The following PCNX1 variants were observed in gnomAD, a reference collection of about 807,000 sequenced individuals.
PCNX1 encodes the protein pecanex-like protein 1.
Under a neutral mutation model 242.2 loss-of-function variants are expected in PCNX1, and 78 were observed. The observed-to-expected ratio is 0.32, with a 90% CI of 0.27 to 0.39. The LOEUF is 0.39. Among genes scored for constraint, PCNX1 ranks in the 10% least tolerant of loss-of-function variants. PCNX1 has a pLI of 1.00. For synonymous variants in PCNX1, 1,024 were observed against 1,032.9 expected, an observed-to-expected ratio of 0.99 and a Z score of 0.17; for missense variants, 2,581 against 2,856.5, an observed-to-expected ratio of 0.90 and a Z score of 2.20.
intron 33 of PCNX1, among the ~76,000 whole-genome samples, chr14:71,107,453 C>T (rs2062656345): frequency 1.3e-5 from 2 of 151,902 alleles, no homozygotes; most frequent in Non-Finnish European, 2.9e-5. Flanking sequence ...AGGTGAAAAC[C>T]TAAAACTTTC....
intron 8 of PCNX1, among the ~76,000 whole-genome samples, chr14:71,002,565 A>G (rs2059535459): frequency 6.6e-6 from 1 of 152,154 alleles, no homozygotes; most frequent in Admixed American, 6.5e-5. Context: ...TCTGCTTTCT[A>G]TCATTATGAT....
At chr14:71,014,626 T>C (rs1187680472) in intron 11 of PCNX1, among the ~76,000 whole-genome samples, 3 of 152,130 alleles carry the variant, frequency 2.0e-5, no homozygotes, top group Non-Finnish European at 4.4e-5. Context: ...TTGCACCTTG[T>C]AGAAGAAAAG....
At chr14:70,986,408 A>G (rs1489758430) in intron 6 of PCNX1, among the ~76,000 whole-genome samples, 3 of 152,210 alleles carry the variant, frequency 2.0e-5, no homozygotes, top group Non-Finnish European at 4.4e-5. Context: ...ATATGCAGCT[A>G]TTTTGCAGAT....
chr14:70,952,990 G>A (rs1269283812), intron 2 of PCNX1, among the ~76,000 whole-genome samples: 1 of 152,150 alleles, frequency 6.6e-6, no homozygotes, highest in Non-Finnish European at 1.5e-5. Flanking sequence ...AAAATTGGCT[G>A]GGCAAGGTGG....
chr14:70,968,024 A>G (rs565060473), intron 3 of PCNX1, among the ~76,000 whole-genome samples, 174 bp from the exon 4 acceptor site: 15 of 152,318 alleles, frequency 9.8e-5, no homozygotes, highest in African/African-American at 1.9e-4. Context: ...GCCGCAGCCA[A>G]CAGGTTGCGT....
intron 2 of PCNX1, 79 bp from the exon 3 acceptor site, chr14:70,962,147 A>G (rs2058237449): frequency 5.6e-6 from 5 of 891,928 alleles, no homozygotes; most frequent in Non-Finnish European, 9.1e-6. Context: ...AAAAAAGTAT[A>G]ACTTAAAAAA....
intron 5 of PCNX1, among the ~76,000 whole-genome samples, chr14:70,976,084 G>A (rs533625629): frequency 1.3e-5 from 2 of 152,208 alleles, no homozygotes; most frequent in South Asian, 2.1e-4. Flanking sequence ...CTTGATTTGT[G>A]AAATAATCGT....
chr14:70,952,489 C>G (rs1015090665), intron 2 of PCNX1, among the ~76,000 whole-genome samples: 1 of 152,144 alleles, frequency 6.6e-6, no homozygotes, highest in African/African-American at 2.4e-5. Context: ...TTGTTACACA[C>G]TCTTCGTAGA....
intron 1 of PCNX1, among the ~76,000 whole-genome samples, chr14:70,939,134 A>C (rs2140234205): frequency 6.6e-6 from 1 of 152,158 alleles, no homozygotes; most frequent in East Asian, 1.9e-4. Flanking sequence ...TGTCTCATTC[A>C]GTTCTGCTCT....
chr14:71,090,732 T>C (rs1023867395), intron 30 of PCNX1, among the ~76,000 whole-genome samples: 2 of 152,236 alleles, frequency 1.3e-5, no homozygotes, highest in Non-Finnish European at 2.9e-5. Flanking sequence ...AGAAATATTC[T>C]CTTTCATATA....
chr14:71,025,736 A>T (rs1309245181), intron 13 of PCNX1, among the ~76,000 whole-genome samples: 2 of 152,028 alleles, frequency 1.3e-5, no homozygotes, highest in African/African-American at 4.8e-5. Context: ...AGGTGCAGCG[A>T]TGTGCGCCTG....
intron 8 of PCNX1, among the ~76,000 whole-genome samples, chr14:70,999,139 T>C (rs370024999): frequency 6.6e-6 from 1 of 152,216 alleles, no homozygotes; most frequent in East Asian, 1.9e-4. Flanking sequence ...AGTTCTGTTT[T>C]ATATCTGCTA....
chr14:71,015,713 A>C (rs948565418), intron 11 of PCNX1, among the ~76,000 whole-genome samples: 1 of 152,208 alleles, frequency 6.6e-6, no homozygotes, highest in African/African-American at 2.4e-5. Flanking sequence ...CTAATATGTC[A>C]AAAAGGAGAT....
intron 7 of PCNX1, among the ~76,000 whole-genome samples, chr14:70,992,856 G>T (rs1344932064): frequency 6.6e-6 from 1 of 152,152 alleles, no homozygotes. Context: ...AACAAGTTAT[G>T]TGAAAATAAT....
intron 2 of PCNX1, among the ~76,000 whole-genome samples, chr14:70,958,697 A>G (rs1292103015): frequency 4.6e-5 from 7 of 152,046 alleles, no homozygotes; most frequent in Non-Finnish European, 1.0e-4. Context: ...CCTCCCACCA[A>G]TAAGACACTC....
At chr14:71,014,278 G>A (rs1036413038) in intron 11 of PCNX1, among the ~76,000 whole-genome samples, 1 of 152,146 alleles carries the variant, frequency 6.6e-6, no homozygotes, top group Admixed American at 6.5e-5. Flanking sequence ...CTGTTTCCAA[G>A]TAACATAAAG....
chr14:70,942,000 A>T (rs2057269009), intron 1 of PCNX1, among the ~76,000 whole-genome samples: 1 of 152,110 alleles, frequency 6.6e-6, no homozygotes, highest in Non-Finnish European at 1.5e-5. Context: ...TTAGGGTGGG[A>T]GTGTCCCGAT....
chr14:71,061,073 A>G (rs760540862), intron 26 of PCNX1, among the ~76,000 whole-genome samples: 2 of 152,240 alleles, frequency 1.3e-5, no homozygotes, highest in Non-Finnish European at 2.9e-5. Flanking sequence ...TTCAGTATAG[A>G]TGAAAGCTTG....
intron 20 of PCNX1, among the ~76,000 whole-genome samples, chr14:71,046,204 TAACTC>T (rs1290347325): frequency 6.6e-6 from 1 of 152,030 alleles, no homozygotes; most frequent in Non-Finnish European, 1.5e-5. Context: ...ATCAGGAAAA[TAACTC>T]AGAATGAGAT....
Sources: allele counts gnomAD v4.1 joint callset (sites outside exome capture counted in the v4.1 genomes callset), GRCh38; gene constraint gnomAD v4.1.1; transcripts MANE v1.5; gene names NCBI Gene and HGNC (gene_info 2026-07-23, HGNC 2026-07-21).